Variants in RAPGEF4 observed in about 807,000 individuals in gnomAD.
RAPGEF4 encodes RAP guanine-nucleotide-exchange factor (GEF) 4.
A neutral mutation model predicts 147.9 loss-of-function variants in RAPGEF4; 66 were observed. That is an observed-to-expected ratio of 0.45 (90% CI 0.37 to 0.55). The LOEUF (loss-of-function observed/expected upper bound fraction) is 0.55. Among genes scored for constraint, RAPGEF4 ranks in the 20% least tolerant of loss-of-function variants. The pLI is 0.00. For synonymous variants in RAPGEF4, 419 were observed against 442.7 expected (o/e 0.95, Z 0.67); for missense variants, 1,071 against 1,257.3 (o/e 0.85, Z 2.24).
At chr2:172,982,933 C>T (rs1353936060) in intron 10 of RAPGEF4, among the ~76,000 whole-genome samples, 1 of 152,104 alleles carries the variant, frequency 6.6e-6, no homozygotes, top group East Asian at 1.9e-4. Flanking sequence ...TCATCTCATG[C>T]CCTTATCTCC....
At chr2:172,922,153 A>C in intron 5 of RAPGEF4, 128 bp from the exon 6 acceptor site, 1 of 846,316 alleles carries the variant, frequency 1.2e-6, no homozygotes, top group South Asian at 1.4e-5. Context: ...GCATTATGTA[A>C]GTTTTCACGG....
intron 24 of RAPGEF4, 72 bp from the exon 25 acceptor site, chr2:173,027,009 G>A: frequency 7.3e-7 from 1 of 1,368,594 alleles, no homozygotes; most frequent in Non-Finnish European, 9.9e-7. Flanking sequence ...ACACTGTCTT[G>A]ACAAATAGAG....
At chr2:172,977,009 A>G (rs1691145747) in intron 10 of RAPGEF4, among the ~76,000 whole-genome samples, 1 of 152,224 alleles carries the variant, frequency 6.6e-6, no homozygotes, top group Admixed American at 6.5e-5. Context: ...CAGATTTGTA[A>G]AGAAGCAGGG....
chr2:172,871,527 C>T (rs1695233540), intron 4 of RAPGEF4, among the ~76,000 whole-genome samples: 1 of 152,022 alleles, frequency 6.6e-6, no homozygotes, highest in African/African-American at 2.4e-5. Flanking sequence ...CACTTAACCT[C>T]TCTTTGCCAG....
At chr2:173,008,093 A>G (rs1215951223) in intron 17 of RAPGEF4, among the ~76,000 whole-genome samples, 3 of 152,086 alleles carry the variant, frequency 2.0e-5, no homozygotes, top group Non-Finnish European at 2.9e-5. Context: ...TTCTCGTGAT[A>G]GTGAGTGAGT....
intron 9 of RAPGEF4, 86 bp downstream of exon 9, chr2:172,965,769 G>T: frequency 1.3e-6 from 2 of 1,548,674 alleles, no homozygotes; most frequent in Non-Finnish European, 8.9e-7. Context: ...TCTTGAATGG[G>T]CAAGAAAGAA....
chr2:172,831,272 T>TTTTTTTTTTTTTTTTTTTTTTTTTTG (rs1281763474), intron 4 of RAPGEF4, among the ~76,000 whole-genome samples: 1 of 117,822 alleles, frequency 8.5e-6, no homozygotes, highest in Admixed American at 9.9e-5. Context: ...AAAACTTTTT[T>TTTTTTTTTTTTTTTTTTTTTTTTTTG]TTTTTTTTTT....
At chr2:172,912,015 C>T (rs765631761) in intron 4 of RAPGEF4, among the ~76,000 whole-genome samples, 2 of 152,140 alleles carry the variant, frequency 1.3e-5, no homozygotes, top group African/African-American at 2.4e-5. Flanking sequence ...AATCCTCCCA[C>T]CTCTGCCTCC....
chr2:172,743,537 A>C (rs1157740926), intron 1 of RAPGEF4, among the ~76,000 whole-genome samples: 1 of 152,090 alleles, frequency 6.6e-6, no homozygotes, highest in Non-Finnish European at 1.5e-5. Flanking sequence ...TGTCTGTTGG[A>C]TATTCCCACA....
intron 17 of RAPGEF4, among the ~76,000 whole-genome samples, chr2:173,003,545 C>T (rs1481081971): frequency 6.6e-6 from 1 of 152,164 alleles, no homozygotes; most frequent in Non-Finnish European, 1.5e-5. Flanking sequence ...ACCACTCTAT[C>T]CTGGCAGGAT....
intron 1 of RAPGEF4, among the ~76,000 whole-genome samples, chr2:172,793,860 G>A (rs780737788): frequency 1.3e-5 from 2 of 152,156 alleles, no homozygotes; most frequent in Non-Finnish European, 2.9e-5. Context: ...AACAGACTGG[G>A]CATGGTGGCT....
chr2:172,793,007 G>T (rs1345576125), intron 1 of RAPGEF4, among the ~76,000 whole-genome samples: 1 of 152,228 alleles, frequency 6.6e-6, no homozygotes, highest in Non-Finnish European at 1.5e-5. Flanking sequence ...GGTTCTGAAG[G>T]CTGGAAGTCC....
intron 10 of RAPGEF4, among the ~76,000 whole-genome samples, chr2:172,978,852 A>T (rs1229381258): frequency 6.6e-6 from 1 of 152,156 alleles, no homozygotes; most frequent in African/African-American, 2.4e-5. Context: ...TTGTTTTCCA[A>T]TGTCATTTTG....
intron 29 of RAPGEF4, among the ~76,000 whole-genome samples, chr2:173,040,526 A>T (rs1397724356): frequency 6.6e-6 from 1 of 152,056 alleles, no homozygotes; most frequent in Non-Finnish European, 1.5e-5. Flanking sequence ...AGCCCCTGCC[A>T]GGGGCCGAGG....
intron 1 of RAPGEF4, among the ~76,000 whole-genome samples, chr2:172,790,847 C>T (rs543436438): frequency 5.3e-4 from 80 of 152,218 alleles, no homozygotes; most frequent in Middle Eastern, 3.4e-3. Context: ...GTAAAATCAC[C>T]GGGATGTGGT....
intron 4 of RAPGEF4, among the ~76,000 whole-genome samples, chr2:172,863,043 A>T (rs1281795782): frequency 6.6e-6 from 1 of 152,176 alleles, no homozygotes; most frequent in Admixed American, 6.5e-5. Flanking sequence ...GGGGGAAAAG[A>T]TGAATCTGAA....
chr2:172,920,978 C>G lies in RAPGEF4; in HGVS notation c.518-1303C>G, dbSNP rs532815057. Reference sequence around the variant, plus strand: ...CTCTTTTCTGACTGCGTTTTTATGTCTTGTGTGGTCCCAGGTGTGGATCAA... The same window carrying G: ...CTCTTTTCTGACTGCGTTTTTATGTGTTGTGTGGTCCCAGGTGTGGATCAA... On this transcript the variant is annotated intron_variant, in intron 5 of 30. Coordinates refer to ENST00000397081, the MANE Select transcript of RAPGEF4 (RefSeq NM_007023.4). Among the ~76,000 whole-genome samples, 6 of 152,192 alleles carry G rather than the reference C, an allele frequency of 3.9e-5. No homozygotes were observed. In the South Asian group the frequency reaches 1.2e-3, roughly 32 times the overall value.
At chr2:172,782,060 G>A (rs1369432115) in intron 1 of RAPGEF4, among the ~76,000 whole-genome samples, 4 of 152,168 alleles carry the variant, frequency 2.6e-5, no homozygotes, top group African/African-American at 9.7e-5. Context: ...CCAGCAGCAG[G>A]TACTGGTGAA....
intron 4 of RAPGEF4, among the ~76,000 whole-genome samples, chr2:172,915,849 A>G (rs1466591822): frequency 1.3e-5 from 2 of 152,186 alleles, no homozygotes; most frequent in Non-Finnish European, 2.9e-5. Flanking sequence ...CTATTTCTGT[A>G]TCTGTTGAAA....
Sources: gnomAD v4.1 joint callset for allele counts (sites outside exome capture counted in the v4.1 genomes callset) on GRCh38, gnomAD v4.1.1 for gene constraint, MANE v1.5 for transcripts, NCBI Gene and HGNC (gene_info 2026-07-23, HGNC 2026-07-21) for gene names.